The following CFAP43 variants were observed in gnomAD, a reference collection of about 807,000 sequenced individuals.
CFAP43 encodes cilia- and flagella-associated protein 43.
CFAP43 carries 155 observed loss-of-function variants against 218.9 expected under a neutral mutation model. That is an observed-to-expected ratio of 0.71 (90% CI 0.62 to 0.81). The LOEUF is 0.81. Among genes scored for constraint, CFAP43 ranks in the 30% least tolerant of loss-of-function variants. CFAP43 has a pLI of 0.00. For missense variants in CFAP43, 1,778 were observed against 1,954.3 expected (o/e 0.91, Z 1.70); for synonymous variants, 645 against 681.3 (o/e 0.95, Z 0.83).
At chr10:104,157,775 T>TGTGTGTGTGAGAGAGAGAGAGA (rs1484523345) in intron 27 of CFAP43, among the ~76,000 whole-genome samples, 3 of 90,108 alleles carry the variant, frequency 3.3e-5, no homozygotes, top group Admixed American at 1.3e-4. Context: ...TGTGTGTGTG[T>TGTGTGTGTGAGAGAGAGAGAGA]GAGAGAGAGA....
Position 104,193,853 on chromosome 10 carries a change from A to G in CFAP43, c.1442+13T>C. 1.2e-6 allele frequency: 2 copies of G among 1,612,650 alleles called. No individual in the cohort carries two copies. The highest frequency in any genetic ancestry group is 8.5e-7 in the Non-Finnish European group (1 of 1,179,092). ...GTGACACGGAGCCGCTCCTGGAGGC[A>G]GAAAGGACTTACACGACGTGCTGCA... On this transcript the variant is annotated intron_variant, in intron 11 of 37. Transcript: ENST00000357060.
chr10:104,193,825 G>A (rs1440733941), intron 11 of CFAP43, 41 bp downstream of exon 11: 2 of 1,593,386 alleles, frequency 1.3e-6, no homozygotes, highest in Non-Finnish European at 1.7e-6. Flanking sequence ...TCAACAGACG[G>A]GTGTGACACG....
At chr10:104,191,830 GAGAGAAAATAA>G (rs1259785728) in intron 12 of CFAP43, among the ~76,000 whole-genome samples, 3 of 151,446 alleles carry the variant, frequency 2.0e-5, no homozygotes, top group Non-Finnish European at 2.9e-5. Context: ...TGTAAAGCCA[GAGAGAAAATAA>G]AGAGAAAATT....
intron 9 of CFAP43, among the ~76,000 whole-genome samples, chr10:104,197,204 G>C (rs1422334535): frequency 1.3e-5 from 2 of 152,130 alleles, no homozygotes; most frequent in Non-Finnish European, 2.9e-5. Context: ...GATAAAAGTT[G>C]CTTATAAAAA....
rs555052001 is a variant in CFAP43, at chr10:104,179,164, A to C, written c.2383-58T>G. 5.9e-6 allele frequency: 8 copies of C among 1,359,826 alleles called. No individual in the cohort carries two copies. The East Asian group carries it at 1.8e-4, about 31-fold the overall frequency. The allele number at this position is 1,359,826 out of a possible 1,614,324, so 84.2% of individuals were successfully genotyped here. A position where few individuals can be genotyped will look rare whatever the true frequency, so the allele number is the denominator to read the frequency against. On this transcript the variant is annotated intron_variant, in intron 18 of 37. Transcript: ENST00000357060. ...CAAGAGAAATATCAGACAGAGAGAG[A>C]GAGAGAGAGAGAGAGAGCAATTCTC...
intron 5 of CFAP43, among the ~76,000 whole-genome samples, chr10:104,210,099 A>G (rs903959420): frequency 6.6e-6 from 1 of 152,242 alleles, no homozygotes; most frequent in Non-Finnish European, 1.5e-5. Context: ...TGTTTAGGAA[A>G]TAACGAGAAG....
intron 27 of CFAP43, among the ~76,000 whole-genome samples, chr10:104,155,179 C>T (rs1363237993): frequency 6.6e-6 from 1 of 152,148 alleles, no homozygotes; most frequent in Non-Finnish European, 1.5e-5. Flanking sequence ...ACCCCCTTCA[C>T]CTTGGGCTCC....
At chr10:104,148,024 T>G (rs1441382089) in intron 28 of CFAP43, 26 bp from the exon 29 acceptor site, 11 of 1,480,166 alleles carry the variant, frequency 7.4e-6, no homozygotes, top group Middle Eastern at 1.9e-4. Context: ...AGAAAAAGGT[T>G]GGTGGAATTA....
intron 7 of CFAP43, among the ~76,000 whole-genome samples, chr10:104,205,232 A>G (rs1017247221): frequency 1.3e-5 from 2 of 150,894 alleles, no homozygotes; most frequent in African/African-American, 4.9e-5. Flanking sequence ...AAAAAAAAAA[A>G]AAAGAAAAGA....
intron 19 of CFAP43, among the ~76,000 whole-genome samples, chr10:104,177,452 C>G (rs537176826): frequency 3.5e-4 from 53 of 152,214 alleles, no homozygotes; most frequent in African/African-American, 1.3e-3. Context: ...GAATGAGGAC[C>G]CTGGTCTTAG....
chr10:104,199,863 C>G (rs2090480138), intron 8 of CFAP43, among the ~76,000 whole-genome samples: 1 of 152,182 alleles, frequency 6.6e-6, no homozygotes, highest in African/African-American at 2.4e-5. Context: ...AGAGTTTTGC[C>G]TAGGCCTTTC....
At chr10:104,184,914 G>A in intron 16 of CFAP43, 102 bp downstream of exon 16, 3 of 1,501,740 alleles carry the variant, frequency 2.0e-6, no homozygotes, top group Non-Finnish European at 2.7e-6. Flanking sequence ...TGCACTGGCA[G>A]TGGTCTCCCA....
chr10:104,164,396 CA>C (rs908064673), intron 23 of CFAP43, 96 bp from the exon 24 acceptor site: 39 of 1,014,350 alleles, frequency 3.8e-5, no homozygotes, highest in Middle Eastern at 6.6e-4. Flanking sequence ...AATCATTCCA[CA>C]AATTTTTTTT....
chr10:104,198,942 C>T (rs182438829), intron 8 of CFAP43, among the ~76,000 whole-genome samples: 42 of 152,252 alleles, frequency 2.8e-4, no homozygotes, highest in African/African-American at 9.4e-4. Context: ...TGAGCCACCA[C>T]GCCTGGTCTC....
chr10:104,177,984 AG>A (rs1459298629), intron 19 of CFAP43, among the ~76,000 whole-genome samples: 2 of 152,262 alleles, frequency 1.3e-5, no homozygotes, highest in African/African-American at 4.8e-5. Flanking sequence ...GTCTAGCAGC[AG>A]GGCATCATTC....
At chr10:104,228,547 G>A (rs2091364453) in intron 2 of CFAP43, among the ~76,000 whole-genome samples, 2 of 152,064 alleles carry the variant, frequency 1.3e-5, no homozygotes, top group African/African-American at 2.4e-5. Flanking sequence ...AATCATTTGA[G>A]TACTCCTTGC....
rs1589719551 is a variant in CFAP43 at position 104,180,918 on chromosome 10, C to T, written c.2290-986G>A. 2.6e-5 allele frequency among the ~76,000 whole-genome samples: 4 copies of T among 152,266 alleles called. No individual in the cohort carries two copies. The East Asian group carries it at 7.7e-4, about 29-fold the overall frequency. ...CCAGAAGTTGCTCTGTCCTGGTCCT[C>T]TTCTGCTTCTTGCCATTCATGCTTC... On this transcript the variant is annotated intron_variant, in intron 17 of 37. Coordinates refer to ENST00000357060, the MANE Select transcript of CFAP43 (RefSeq NM_025145.7).
intron 2 of CFAP43, among the ~76,000 whole-genome samples, chr10:104,226,183 T>C (rs1212283510): frequency 1.3e-5 from 2 of 152,238 alleles, no homozygotes; most frequent in Non-Finnish European, 2.9e-5. Flanking sequence ...TTCCCTCTTC[T>C]TCATCTGCTG....
intron 8 of CFAP43, among the ~76,000 whole-genome samples, chr10:104,199,870 T>C (rs777286419): frequency 6.6e-6 from 1 of 152,136 alleles, no homozygotes; most frequent in Non-Finnish European, 1.5e-5. Flanking sequence ...TGCCTAGGCC[T>C]TTCCTGGGCC....
Sources: gnomAD v4.1 joint callset for allele counts (sites outside exome capture counted in the v4.1 genomes callset) on GRCh38, gnomAD v4.1.1 for gene constraint, MANE v1.5 for transcripts, NCBI Gene and HGNC (gene_info 2026-07-23, HGNC 2026-07-21) for gene names.